Variants in LTBP1 observed in about 807,000 individuals in gnomAD.
The protein encoded by LTBP1 is latent-transforming growth factor beta-binding protein 1.
LTBP1 carries 129 observed loss-of-function variants against 207.6 expected under a neutral mutation model. The observed-to-expected ratio is 0.62, with a 90% confidence interval of 0.54 to 0.72. The LOEUF (loss-of-function observed/expected upper bound fraction) is 0.72, where lower values mean the gene tolerates loss of function less well. LTBP1 is among the 30% of genes least tolerant of loss of function. LTBP1 has a pLI of 0.00. For synonymous variants in LTBP1, 963 were observed against 833.7 expected (o/e 1.16, Z -2.67); for missense variants, 2,281 against 2,217.2 (o/e 1.03, Z -0.58).
chr2:32,992,001 A>C (rs978820966), intron 2 of LTBP1, among the ~76,000 whole-genome samples: 1 of 152,194 alleles, frequency 6.6e-6, no homozygotes, highest in African/African-American at 2.4e-5. Flanking sequence ...CCTCCTGCTT[A>C]TAGGGAATTC....
chr2:33,077,967 G>C (rs1055022181), intron 3 of LTBP1, among the ~76,000 whole-genome samples: 4 of 152,114 alleles, frequency 2.6e-5, no homozygotes, highest in African/African-American at 9.7e-5. Flanking sequence ...TGGTGAAGCG[G>C]GTGAACTCAC....
At chr2:33,364,601 G>T (rs1219275435) in intron 30 of LTBP1, among the ~76,000 whole-genome samples, 1 of 152,194 alleles carries the variant, frequency 6.6e-6, no homozygotes, top group Admixed American at 6.5e-5. Flanking sequence ...CAGATGGCAG[G>T]GTTGTTCCAT....
chr2:33,301,800 T>G (rs781514036), intron 22 of LTBP1, among the ~76,000 whole-genome samples, 156 bp downstream of exon 22: 3 of 152,154 alleles, frequency 2.0e-5, no homozygotes, highest in Non-Finnish European at 4.4e-5. Context: ...CACAAATAAT[T>G]CAAAGAAGGG....
intron 2 of LTBP1, among the ~76,000 whole-genome samples, chr2:32,978,965 C>G (rs1682301125): frequency 6.6e-6 from 1 of 151,758 alleles, no homozygotes; most frequent in African/African-American, 2.4e-5. Flanking sequence ...ATCCATTTCT[C>G]CTAGGTTTTC....
chr2:33,206,028 T>G (rs1367735604), intron 7 of LTBP1, among the ~76,000 whole-genome samples: 1 of 152,156 alleles, frequency 6.6e-6, no homozygotes, highest in Non-Finnish European at 1.5e-5. Flanking sequence ...AAAAATCTAT[T>G]GTTTAAACCA....
At chr2:33,329,825 T>C (rs1239761353) in intron 24 of LTBP1, among the ~76,000 whole-genome samples, 1 of 152,122 alleles carries the variant, frequency 6.6e-6, no homozygotes, top group Non-Finnish European at 1.5e-5. Context: ...CAGTTCTAAC[T>C]TCTTCAATTC....
intron 7 of LTBP1, among the ~76,000 whole-genome samples, chr2:33,191,681 A>G (rs1023059322): frequency 5.9e-5 from 9 of 152,258 alleles, no homozygotes; most frequent in Non-Finnish European, 1.3e-4. Context: ...ACGTAGCTAT[A>G]GCCAGGAGGT....
chr2:33,202,060 C>CAG (rs1235942553), intron 7 of LTBP1, among the ~76,000 whole-genome samples: 2 of 145,042 alleles, frequency 1.4e-5, no homozygotes, highest in Non-Finnish European at 3.0e-5. Context: ...CACACACACA[C>CAG]AGAGCATTCT....
intron 5 of LTBP1, among the ~76,000 whole-genome samples, chr2:33,182,695 T>TACACAC (rs756804273): frequency 0.014 from 1,198 of 84,594 alleles, 147 homozygotes; most frequent in Non-Finnish European, 0.024. Flanking sequence ...GTGATATATA[T>TACACAC]ATATACACAC....
intron 25 of LTBP1, among the ~76,000 whole-genome samples, chr2:33,343,599 T>G (rs1412055078): frequency 1.3e-5 from 2 of 152,172 alleles, no homozygotes; most frequent in African/African-American, 4.8e-5. Context: ...TTGTCTGTCT[T>G]TGAAATGCAT....
At chr2:33,007,548 G>T (rs1218615544) in intron 2 of LTBP1, among the ~76,000 whole-genome samples, 1 of 152,168 alleles carries the variant, frequency 6.6e-6, no homozygotes, top group Non-Finnish European at 1.5e-5. Flanking sequence ...TCATTTTGCC[G>T]CTATCACTGT....
At chr2:33,191,078 G>A (rs1558785988) in intron 7 of LTBP1, among the ~76,000 whole-genome samples, 1 of 152,158 alleles carries the variant, frequency 6.6e-6, no homozygotes, top group African/African-American at 2.4e-5. Flanking sequence ...TTCCAGCTTA[G>A]GTTGGTCATG....
intron 4 of LTBP1, among the ~76,000 whole-genome samples, chr2:33,111,711 C>CT (rs2080416211): frequency 6.6e-6 from 1 of 152,154 alleles, no homozygotes; most frequent in Non-Finnish European, 1.5e-5. Flanking sequence ...AAAAGAGTAT[C>CT]TAACAGCAGG....
chr2:33,067,499 A>G (rs1054802534), intron 3 of LTBP1, among the ~76,000 whole-genome samples: 16 of 152,236 alleles, frequency 1.1e-4, no homozygotes, highest in African/African-American at 3.6e-4. Context: ...TTGACCTTCC[A>G]TATCCATGAG....
intron 23 of LTBP1, among the ~76,000 whole-genome samples, chr2:33,312,777 C>T (rs571316777): frequency 2.6e-4 from 39 of 152,100 alleles, no homozygotes; most frequent in African/African-American, 8.4e-4. Flanking sequence ...GATGAAAAAA[C>T]TTTGTGCACA....
At chr2:33,159,788 A>G (rs1315556368) in intron 5 of LTBP1, among the ~76,000 whole-genome samples, 1 of 152,326 alleles carries the variant, frequency 6.6e-6, no homozygotes, top group East Asian at 1.9e-4. Context: ...AGTTTTAGCC[A>G]TTGTCACATG....
chr2:33,206,332 A>C (rs978808226), intron 7 of LTBP1, among the ~76,000 whole-genome samples: 100 of 152,336 alleles, frequency 6.6e-4, no homozygotes, highest in African/African-American at 2.4e-3. Flanking sequence ...CAAATGAGGC[A>C]TGCATTACAA....
In LTBP1 at chr2:33,118,709, AGG is replaced by A. The variant is rs1422553698; in HGVS notation, c.1033+7959_1033+7960del. On this transcript the variant is annotated intron_variant, in intron 4 of 33. Transcript: ENST00000404816. ...TCCTTGGGAATCCAGATTTCATTCA[AGG>A]ACAGGATATGATCTATTGCAAAGAA... Among the ~76,000 whole-genome samples the A allele has an allele frequency of 5.7e-4, 87 of 152,346 alleles. 2 individuals carry two copies. The South Asian group carries it at 0.018, about 31-fold the overall frequency.
At chr2:33,376,738 A>T (rs1274095497) in intron 31 of LTBP1, among the ~76,000 whole-genome samples, 3 of 152,172 alleles carry the variant, frequency 2.0e-5, no homozygotes, top group African/African-American at 7.2e-5. Flanking sequence ...TCCTAAGGGG[A>T]TATCCTCACC....
Sources: allele counts gnomAD v4.1 joint callset (sites outside exome capture counted in the v4.1 genomes callset), GRCh38; gene constraint gnomAD v4.1.1; transcripts MANE v1.5; gene names NCBI Gene and HGNC (gene_info 2026-07-23, HGNC 2026-07-21).